The following LSAMP variants were observed in gnomAD, a reference collection of about 807,000 sequenced individuals.
LSAMP encodes limbic system associated membrane protein, also known as limbic system-associated membrane protein.
LSAMP carries 7 observed loss-of-function variants against 38.6 expected under a neutral mutation model. That is an observed-to-expected ratio of 0.18 (90% CI 0.10 to 0.34). The LOEUF is 0.34. LSAMP is among the 10% of genes least tolerant of loss of function. The probability of loss-of-function intolerance (pLI) is 1.00; values close to 1 mark genes in which losing one functional copy is unlikely to be tolerated. For missense variants in LSAMP, 313 were observed against 420.0 expected, an observed-to-expected ratio of 0.75 and a Z score of 2.23; for synonymous variants, 154 against 166.8, an observed-to-expected ratio of 0.92 and a Z score of 0.59.
intron 1 of LSAMP, among the ~76,000 whole-genome samples, chr3:116,262,229 A>C (rs979157733): frequency 1.3e-5 from 2 of 152,196 alleles, no homozygotes; most frequent in Non-Finnish European, 2.9e-5. Flanking sequence ...AATGAAGTTA[A>C]TTGTTACTAC....
chr3:115,947,336 A>G (rs1218747452), intron 3 of LSAMP, among the ~76,000 whole-genome samples: 1 of 152,214 alleles, frequency 6.6e-6, no homozygotes, highest in African/African-American at 2.4e-5. Context: ...GGAGAATTAT[A>G]AAGGAAGAAC....
chr3:116,044,399 C>T (rs1306205028), intron 2 of LSAMP, among the ~76,000 whole-genome samples: 1 of 152,064 alleles, frequency 6.6e-6, no homozygotes, highest in African/African-American at 2.4e-5. Context: ...AGTAACACTC[C>T]TGGTTTTAAA....
At chr3:116,220,038 G>A (rs1345587557) in intron 1 of LSAMP, among the ~76,000 whole-genome samples, 2 of 152,142 alleles carry the variant, frequency 1.3e-5, no homozygotes, top group Non-Finnish European at 2.9e-5. Context: ...AGCCAGTGTG[G>A]TGGCACATGC....
At chr3:116,384,468 T>C (rs896624334) in intron 1 of LSAMP, among the ~76,000 whole-genome samples, 1 of 152,122 alleles carries the variant, frequency 6.6e-6, no homozygotes, top group Non-Finnish European at 1.5e-5. Flanking sequence ...GGTATCCATA[T>C]TGATTTATTT....
chr3:116,225,262 TATAAG>T (rs1222817115), intron 1 of LSAMP, among the ~76,000 whole-genome samples: 1 of 152,170 alleles, frequency 6.6e-6, no homozygotes, highest in Non-Finnish European at 1.5e-5. Flanking sequence ...CTGGTATTTT[TATAAG>T]AGAAGACACA....
intron 1 of LSAMP, among the ~76,000 whole-genome samples, chr3:116,284,833 G>A (rs1315907922): frequency 6.6e-6 from 1 of 151,984 alleles, no homozygotes; most frequent in African/African-American, 2.4e-5. Flanking sequence ...TTCTAAAAAT[G>A]ATCAAGTCCA....
At chr3:116,218,273 A>T (rs544449304) in intron 1 of LSAMP, among the ~76,000 whole-genome samples, 1 of 152,302 alleles carries the variant, frequency 6.6e-6, no homozygotes, top group East Asian at 1.9e-4. Flanking sequence ...TCAGAAGGAA[A>T]TAAAATGGAT....
chr3:116,096,882 A>C (rs1245591890), intron 1 of LSAMP, among the ~76,000 whole-genome samples: 1 of 152,222 alleles, frequency 6.6e-6, no homozygotes, highest in African/African-American at 2.4e-5. Flanking sequence ...AACTAGCAAG[A>C]ATCTACAACT....
chr3:116,126,413 G>A (rs1380639162), intron 1 of LSAMP, among the ~76,000 whole-genome samples: 1 of 152,214 alleles, frequency 6.6e-6, no homozygotes. Context: ...TGGAAATAAG[G>A]AGTGTTGATT....
chr3:116,230,735 G>A (rs191134492), intron 1 of LSAMP, among the ~76,000 whole-genome samples: 2 of 152,088 alleles, frequency 1.3e-5, no homozygotes, highest in Non-Finnish European at 2.9e-5. Flanking sequence ...GCTTTTGTGC[G>A]CTGATGCATT....
intron 1 of LSAMP, among the ~76,000 whole-genome samples, chr3:116,230,976 G>C (rs147689449): frequency 3.0e-4 from 46 of 152,166 alleles, no homozygotes; most frequent in Non-Finnish European, 6.2e-4. Context: ...ATTTTCTCCT[G>C]ACTCTTTTTC....
At chr3:115,967,028 C>T (rs962140001) in intron 3 of LSAMP, among the ~76,000 whole-genome samples, 1 of 152,152 alleles carries the variant, frequency 6.6e-6, no homozygotes. Flanking sequence ...CTCCTCATTA[C>T]TTATGCAAAT....
At chr3:115,987,185 T>C (rs769417578) in intron 3 of LSAMP, among the ~76,000 whole-genome samples, 22 of 152,166 alleles carry the variant, frequency 1.4e-4, no homozygotes, top group Non-Finnish European at 2.4e-4. Context: ...TTCTTCTTCC[T>C]GATCACAAAC....
At chr3:116,425,873 CAA>C (rs67102242) in intron 1 of LSAMP, among the ~76,000 whole-genome samples, 80 of 146,156 alleles carry the variant, frequency 5.5e-4, no homozygotes, top group Non-Finnish European at 8.0e-4. Flanking sequence ...CATCCTAAAG[CAA>C]AAAAAAAAAA....
At chr3:115,835,472 G>A (rs1034058618) in intron 6 of LSAMP, among the ~76,000 whole-genome samples, 1 of 152,068 alleles carries the variant, frequency 6.6e-6, no homozygotes, top group African/African-American at 2.4e-5. Context: ...AATATAGAAT[G>A]GAATAGTAGG....
At chr3:115,867,278 C>T (rs1417879312) in intron 3 of LSAMP, among the ~76,000 whole-genome samples, 1 of 152,136 alleles carries the variant, frequency 6.6e-6, no homozygotes, top group Non-Finnish European at 1.5e-5. Flanking sequence ...CAAATCTCTT[C>T]AGCCTTCCCA....
chr3:116,221,315 C>T (rs187307582), intron 1 of LSAMP, among the ~76,000 whole-genome samples: 1 of 152,256 alleles, frequency 6.6e-6, no homozygotes, highest in Admixed American at 6.5e-5. Context: ...AATTGAGACT[C>T]TGCAAGTTAA....
At chr3:116,243,855 T>G (rs1213654794) in intron 1 of LSAMP, among the ~76,000 whole-genome samples, 3 of 152,200 alleles carry the variant, frequency 2.0e-5, no homozygotes, top group Non-Finnish European at 2.9e-5. Context: ...TTATTAAAAA[T>G]TATTTGAGGA....
chr3:116,096,192 G>T (rs1434881751), intron 1 of LSAMP, among the ~76,000 whole-genome samples: 1 of 152,194 alleles, frequency 6.6e-6, no homozygotes, highest in Non-Finnish European at 1.5e-5. Flanking sequence ...CACAGGAGTA[G>T]TAGGTACTTC....
Sources: allele counts gnomAD v4.1 joint callset (sites outside exome capture counted in the v4.1 genomes callset), GRCh38; gene constraint gnomAD v4.1.1; transcripts MANE v1.5; gene names NCBI Gene and HGNC (gene_info 2026-07-23, HGNC 2026-07-21).